The following R3HDM4 variants were observed in gnomAD, a reference collection of about 807,000 sequenced individuals.
R3HDM4 encodes the protein R3H domain containing 4.
Under a neutral mutation model 31.3 loss-of-function variants are expected in R3HDM4, and 30 were observed. The observed-to-expected ratio is 0.96, with a 90% CI of 0.72 to 1.30. R3HDM4 has a LOEUF of 1.30. Ranked by LOEUF, R3HDM4 falls within the 50% of genes most tolerant of loss-of-function variation. The probability of loss-of-function intolerance (pLI) is 0.00; values close to 1 mark genes in which losing one functional copy is unlikely to be tolerated. For missense variants in R3HDM4, 444 were observed against 366.1 expected (o/e 1.21, Z -1.74); for synonymous variants, 196 against 156.6 (o/e 1.25, Z -1.88).
Position 897,430 on chromosome 19 carries a change from G to A in R3HDM4, c.*7C>T, listed in dbSNP as rs757388763. 2.5e-6 allele frequency: 4 copies of A among 1,592,878 alleles called. No homozygotes were observed. In the Admixed American group the frequency reaches 5.3e-5, roughly 21 times the overall value. ...GAGGTGGCAGCGGGGTCTCCGCGGG[G>A]CCGCCATCAGCTGTGCTGCTCCAGG... On this transcript the variant is annotated 3_prime_UTR_variant, in exon 8 of 8. Transcript: ENST00000361574.
At position 899,774 on chromosome 19, in the gene R3HDM4, C is replaced by G; in HGVS notation, c.562-88G>C. ...CCAGGGCCCCCAGGAGCCCACAGCGCTGGGCTCAAACATGACCTCTGACCC... is the reference window on the plus strand; with the variant it reads ...CCAGGGCCCCCAGGAGCCCACAGCGGTGGGCTCAAACATGACCTCTGACCC... On this transcript the variant is annotated intron_variant, in intron 5 of 7. Coordinates refer to ENST00000361574, the MANE Select transcript of R3HDM4 (RefSeq NM_138774.4). This position sits in a 1 kb window ranked among gnomAD's most constrained non-coding sequence, Gnocchi z 6.8. The G allele has an allele frequency of 9.0e-7, 1 of 1,114,336 alleles. No homozygotes were observed. Among genetic ancestry groups the G allele is most frequent in the Non-Finnish European group, 1.3e-6 (1 of 794,114 alleles). 69.0% of individuals were successfully genotyped at this position (1,114,336 alleles called of 1,614,324 possible).
At chr19:901,057 C>T (rs1221096368) in intron 3 of R3HDM4, 105 bp from the exon 4 acceptor site, 6 of 1,365,206 alleles carry the variant, frequency 4.4e-6, no homozygotes, top group East Asian at 5.0e-5. Context: ...GGACGCGCTC[C>T]TGCGGTCACC....
chr19:901,381 G>A (rs1228881540), intron 3 of R3HDM4, 41 bp downstream of exon 3: 15 of 1,582,824 alleles, frequency 9.5e-6, no homozygotes, highest in Non-Finnish European at 1.3e-5. Context: ...AGAACTGCCG[G>A]GGTCCCCGTG....
intron 2 of R3HDM4, 106 bp from the exon 3 acceptor site, chr19:901,652 C>T (rs1464321682): frequency 2.9e-5 from 41 of 1,404,972 alleles, no homozygotes; most frequent in Admixed American, 1.3e-4. Context: ...TCTCAACCTC[C>T]GCACCTCCAT....
chr19:909,983 G>A (rs917754926), intron 1 of R3HDM4, among the ~76,000 whole-genome samples: 1 of 152,036 alleles, frequency 6.6e-6, no homozygotes, highest in African/African-American at 2.4e-5. Flanking sequence ...CGAGGAGTTC[G>A]AGACCAGCCT....
intron 1 of R3HDM4, among the ~76,000 whole-genome samples, chr19:904,762 C>A (rs1307168922): frequency 1.3e-5 from 2 of 151,306 alleles, no homozygotes; most frequent in Admixed American, 1.3e-4. Context: ...GGTGACAGAC[C>A]AAGACTCTGT....
In R3HDM4 at chr19:900,098, C is replaced by G. The variant is rs537357318; in HGVS notation, c.524G>C (p.Arg175Pro). 1.9e-6 allele frequency: 3 copies of G among 1,607,978 alleles called. No individual in the cohort carries two copies. The stretch of plus-strand genomic sequence containing the variant: ...GCTGCGCTTGAGGACGGCTCGCAGA[C>G]GCCGGCTGATGCGCTGGAAGCACTC... The part of the protein sequence containing the change: ...PRECFQRISR[R>P]LRAVLKRSRI... Residue 175 changes from arginine (R) to proline (P), a missense_variant, in exon 5 of 8, where the codon CGT becomes CCT. Arg to Pro is a moderately radical substitution (Grantham distance 103, BLOSUM62 -2). Coordinates refer to ENST00000361574, the MANE Select transcript of R3HDM4 (RefSeq NM_138774.4).
At chr19:905,610 G>A (rs1273105535) in intron 1 of R3HDM4, among the ~76,000 whole-genome samples, 1 of 150,214 alleles carries the variant, frequency 6.7e-6, no homozygotes, top group Non-Finnish European at 1.5e-5. Context: ...ACTTGAACCT[G>A]GGAGGTGGAG....
chr19:906,073 G>A (rs1171500805), intron 1 of R3HDM4, among the ~76,000 whole-genome samples: 2 of 151,982 alleles, frequency 1.3e-5, no homozygotes, highest in Non-Finnish European at 2.9e-5. Context: ...CACCCAGGCT[G>A]GAGCGCAGTG....
intron 1 of R3HDM4, among the ~76,000 whole-genome samples, chr19:906,526 A>C (rs2036907979): frequency 6.6e-6 from 1 of 151,978 alleles, no homozygotes. Context: ...CTCACCCTGC[A>C]ACCTTTAACC....
chr19:898,532 G>A (rs1370114945), intron 7 of R3HDM4, among the ~76,000 whole-genome samples: 2 of 152,088 alleles, frequency 1.3e-5, no homozygotes, highest in African/African-American at 4.8e-5. Context: ...CCCGGAGGTG[G>A]AGGTTGCAGT....
At position 899,578 on chromosome 19, in the gene R3HDM4, C is replaced by T. The variant is rs1397902222; in HGVS notation, c.647+23G>A. 6.2e-7 allele frequency: 1 copy of T among 1,612,196 alleles called. No homozygotes were observed. Among genetic ancestry groups the T allele is most frequent in the African/African-American group, 1.3e-5 (1 of 74,898 alleles). Reference sequence around the variant, plus strand: ...CCTGGCCGCAGCCTCGGAGGGTCCGCTCGCCTGGCCGCCCCCCCTTACCTG... The same window carrying T: ...CCTGGCCGCAGCCTCGGAGGGTCCGTTCGCCTGGCCGCCCCCCCTTACCTG... On this transcript the variant is annotated intron_variant, in intron 6 of 7. Transcript: ENST00000361574. This position sits in a 1 kb window ranked among gnomAD's most constrained non-coding sequence, Gnocchi z 6.8.
In R3HDM4 at chr19:899,734, G is replaced by A. The variant is rs1029096045; in HGVS notation, c.562-48C>T. ...CAGGGAACTGCGGGACCTGTGGGTG[G>A]GGGGCCAGGGAGGTCCAGGGCCCCC... On this transcript the variant is annotated intron_variant, in intron 5 of 7. Coordinates refer to ENST00000361574, the MANE Select transcript of R3HDM4 (RefSeq NM_138774.4). The surrounding 1 kb of genome is among the most constrained non-coding windows in gnomAD (Gnocchi z 6.8). 2.8e-6 allele frequency: 4 copies of A among 1,451,368 alleles called. No individual in the cohort carries two copies. The highest frequency in any genetic ancestry group is 2.8e-6 in the Non-Finnish European group (3 of 1,086,074). 89.9% of individuals were successfully genotyped at this position (1,451,368 alleles called of 1,614,324 possible).
rs199533122 is a variant in R3HDM4, at chr19:899,520, C to T, written c.648-25G>A. 1.4e-5 allele frequency: 22 copies of T among 1,613,442 alleles called. No individual in the cohort carries two copies. The highest frequency in any genetic ancestry group is 1.7e-4 in the Middle Eastern group (1 of 6,058). Reference sequence around the variant, plus strand: ...GCTGTGGGGAACGGGCAGTGAGCGCCGTGCAGGGGCTGCAGCGTGGGGTGT... The same window carrying T: ...GCTGTGGGGAACGGGCAGTGAGCGCTGTGCAGGGGCTGCAGCGTGGGGTGT... On this transcript the variant is annotated intron_variant, in intron 6 of 7. Transcript: ENST00000361574. The surrounding 1 kb of genome is among the most constrained non-coding windows in gnomAD (Gnocchi z 6.8).
chr19:900,030 G>A, intron 5 of R3HDM4, 31 bp downstream of exon 5: 1 of 1,604,938 alleles, frequency 6.2e-7, no homozygotes, highest in Non-Finnish European at 8.5e-7. Flanking sequence ...CAGGCAGGTA[G>A]AAAAGGGAGG....
intron 1 of R3HDM4, among the ~76,000 whole-genome samples, chr19:906,481 G>A (rs1487975453): frequency 2.0e-5 from 3 of 152,154 alleles, no homozygotes; most frequent in African/African-American, 7.2e-5. Context: ...GCCTCCCAAA[G>A]TGCTGGGATT....
At chr19:908,141 G>C (rs1173229402) in intron 1 of R3HDM4, among the ~76,000 whole-genome samples, 1 of 151,926 alleles carries the variant, frequency 6.6e-6, no homozygotes, top group African/African-American at 2.4e-5. Flanking sequence ...GCAGTGAGCT[G>C]AGATCGCACC....
chr19:913,069 C>A lies in R3HDM4; in HGVS notation c.71+18G>T. 3 of 1,027,952 alleles carry A rather than the reference C, an allele frequency of 2.9e-6. No homozygotes were observed. The highest frequency in any genetic ancestry group is 3.5e-6 in the Non-Finnish European group (3 of 855,946). 63.7% of individuals were successfully genotyped at this position (1,027,952 alleles called of 1,614,324 possible). On this transcript the variant is annotated intron_variant, in intron 1 of 7. Transcript: ENST00000361574. This position sits in a 1 kb window ranked among gnomAD's most constrained non-coding sequence, Gnocchi z 5.0. ...GCCCGCCCCCGGCGCCCGCCGCGCC[C>A]CGCCCGCCCGCGCTCACAGCAGCCG...
intron 1 of R3HDM4, among the ~76,000 whole-genome samples, chr19:910,982 G>C (rs139892119): frequency 0.098 from 14,882 of 151,840 alleles, 878 homozygotes; most frequent in South Asian, 0.18. Flanking sequence ...TTAGCCGGGC[G>C]CGGTGGCGGG....
Sources: allele counts gnomAD v4.1 joint callset (sites outside exome capture counted in the v4.1 genomes callset), GRCh38; gene constraint gnomAD v4.1.1; non-coding constraint Gnocchi (gnomAD v3.1); transcripts MANE v1.5; gene names NCBI Gene and HGNC (gene_info 2026-07-23, HGNC 2026-07-21).